GALNT13: variants seen among roughly 807,000 people sequenced by gnomAD.
The protein encoded by GALNT13 is polypeptide N-acetylgalactosaminyltransferase 13.
GALNT13 carries 28 observed loss-of-function variants against 64.2 expected under a neutral mutation model. That is an observed-to-expected ratio of 0.44 (90% confidence interval 0.32 to 0.60). The LOEUF (loss-of-function observed/expected upper bound fraction) is 0.60, where lower values mean the gene tolerates loss of function less well. GALNT13 is among the 20% of genes least tolerant of loss of function. The probability of loss-of-function intolerance (pLI) is 0.05; values close to 1 mark genes in which losing one functional copy is unlikely to be tolerated. For synonymous variants in GALNT13, 214 were observed against 224.6 expected (o/e 0.95, Z 0.42); for missense variants, 577 against 669.8 (o/e 0.86, Z 1.53).
At chr2:154,048,691 T>C (rs982315562) in intron 3 of GALNT13, among the ~76,000 whole-genome samples, 5 of 152,104 alleles carry the variant, frequency 3.3e-5, no homozygotes, top group African/African-American at 1.2e-4. Flanking sequence ...CATGAAAACA[T>C]CTAGTAGCTG....
chr2:153,368,626 C>G, the GALNT13 span, among the ~76,000 whole-genome samples: 41 of 152,162 alleles, frequency 2.7e-4, no homozygotes, highest in Middle Eastern at 3.4e-3. Context: ...GAGGACAAAA[C>G]AGTTTTAATG....
the GALNT13 span, among the ~76,000 whole-genome samples, chr2:153,291,364 C>T: frequency 1.3e-5 from 2 of 152,120 alleles, no homozygotes; most frequent in East Asian, 1.9e-4. Flanking sequence ...AAGATATCAA[C>T]GTTTTTCACT....
chr2:153,946,641 A>C (rs1313661156), intron 3 of GALNT13, among the ~76,000 whole-genome samples: 1 of 152,046 alleles, frequency 6.6e-6, no homozygotes, highest in Non-Finnish European at 1.5e-5. Flanking sequence ...GGCATATTTT[A>C]TAAGGGCACT....
intron 10 of GALNT13, among the ~76,000 whole-genome samples, chr2:154,408,209 A>G (rs566227502): frequency 8.9e-4 from 135 of 152,100 alleles, no homozygotes; most frequent in African/African-American, 3.2e-3. Flanking sequence ...ATTCAGTGAG[A>G]TTAGTATCTT....
rs778569431 is a variant in GALNT13 at position 154,450,452 on chromosome 2, T to C, written c.1572T>C (p.Asp524=). The C allele has an allele frequency of 6.2e-7, 1 of 1,612,762 alleles. No homozygotes were observed. Among genetic ancestry groups the C allele is most frequent in the Non-Finnish European group, 8.5e-7 (1 of 1,179,152 alleles). ...ATGTTAACAGTAACCAATGTCTCGA[T>C]GAACCTTCTGAAGAAGACAAAATGG... ...LRHVNSNQCL[D]EPSEEDKMVP... is the part of the protein sequence containing the mutation. The change falls in exon 13 of 13, where the codon GAT becomes GAC. Residue 524 remains aspartate (D), a synonymous_variant. Coordinates refer to ENST00000392825, the MANE Select transcript of GALNT13 (RefSeq NM_052917.4).
chr2:153,478,301 T>A, the GALNT13 span: 1 of 1,614,030 alleles, frequency 6.2e-7, no homozygotes, highest in Non-Finnish European at 8.5e-7. Flanking sequence ...ACGAGGAAGT[T>A]GATCATGCCC....
At chr2:153,168,741 AG>A in the GALNT13 span, among the ~76,000 whole-genome samples, 1 of 152,218 alleles carries the variant, frequency 6.6e-6, no homozygotes, top group Non-Finnish European at 1.5e-5. Context: ...GTACATGTAA[AG>A]TGCCTGATTA....
chr2:154,272,229 AAAAT>A (rs1188947588), intron 8 of GALNT13, among the ~76,000 whole-genome samples: 12 of 152,072 alleles, frequency 7.9e-5, no homozygotes, highest in Admixed American at 3.3e-4. Context: ...ACACACAAGA[AAAAT>A]AAACAATTAA....
At chr2:153,448,622 CT>C in the GALNT13 span, among the ~76,000 whole-genome samples, 3 of 151,434 alleles carry the variant, frequency 2.0e-5, no homozygotes, top group African/African-American at 4.8e-5. Flanking sequence ...TTCTTCTGTT[CT>C]TTTTTTTTCT....
At chr2:153,947,259 C>A (rs1345022028) in intron 3 of GALNT13, among the ~76,000 whole-genome samples, 1 of 151,956 alleles carries the variant, frequency 6.6e-6, no homozygotes, top group Non-Finnish European at 1.5e-5. Context: ...GAACAAGGCT[C>A]CCACCTGCCA....
chr2:153,251,441 C>CT, the GALNT13 span, among the ~76,000 whole-genome samples: 27 of 152,226 alleles, frequency 1.8e-4, no homozygotes, highest in African/African-American at 6.3e-4. Context: ...CTATGAAACT[C>CT]TAACACTCTA....
chr2:153,488,980 G>A, the GALNT13 span, among the ~76,000 whole-genome samples: 22 of 152,104 alleles, frequency 1.4e-4, no homozygotes, highest in Admixed American at 2.6e-4. Context: ...CCAGAACTGT[G>A]ATAAATAAAT....
intron 3 of GALNT13, among the ~76,000 whole-genome samples, chr2:153,996,324 C>T (rs1695520259): frequency 1.3e-5 from 2 of 152,062 alleles, no homozygotes; most frequent in Admixed American, 1.3e-4. Context: ...TTTCTCCACA[C>T]CCTTGCCAAC....
intron 8 of GALNT13, among the ~76,000 whole-genome samples, chr2:154,264,716 A>G (rs1477208196): frequency 6.6e-6 from 1 of 151,906 alleles, no homozygotes; most frequent in African/African-American, 2.4e-5. Context: ...AAATGAAAAC[A>G]TAGCACATCA....
chr2:153,475,640 C>G, the GALNT13 span, among the ~76,000 whole-genome samples: 1 of 152,150 alleles, frequency 6.6e-6, no homozygotes. Context: ...CTCCTTCAGC[C>G]TCCGCGTGTC....
At chr2:153,068,769 A>G in the GALNT13 span, among the ~76,000 whole-genome samples, 3 of 152,050 alleles carry the variant, frequency 2.0e-5, no homozygotes, top group African/African-American at 7.2e-5. Flanking sequence ...ATAGGTATAG[A>G]CCCCAAAGAT....
intron 3 of GALNT13, among the ~76,000 whole-genome samples, chr2:154,019,982 G>T (rs1208678208): frequency 2.0e-5 from 3 of 151,996 alleles, no homozygotes; most frequent in Admixed American, 6.6e-5. Context: ...ATAGTTTGCT[G>T]AGAATGATGG....
chr2:153,345,679 C>CTTTCTT, the GALNT13 span, among the ~76,000 whole-genome samples: 2 of 138,272 alleles, frequency 1.4e-5, no homozygotes, highest in Non-Finnish European at 3.1e-5. Flanking sequence ...TTCTTTCTTT[C>CTTTCTT]TTTCTTTCTT....
At chr2:153,688,351 G>A in the GALNT13 span, among the ~76,000 whole-genome samples, 2 of 151,884 alleles carry the variant, frequency 1.3e-5, no homozygotes, top group Admixed American at 6.6e-5. Flanking sequence ...TAGCTTCAGA[G>A]GCTATTATGT....
Sources: allele counts gnomAD v4.1 joint callset (sites outside exome capture counted in the v4.1 genomes callset), GRCh38; gene constraint gnomAD v4.1.1; transcripts MANE v1.5; gene names NCBI Gene and HGNC (gene_info 2026-07-23, HGNC 2026-07-21).